BEND2: variants seen among roughly 807,000 people sequenced by gnomAD.
The protein encoded by BEND2 is BEN domain-containing protein 2.
Under a neutral mutation model 43.8 loss-of-function variants are expected in BEND2, and 19 were observed. That is an observed-to-expected ratio of 0.43 (90% confidence interval 0.30 to 0.64). BEND2 has a LOEUF of 0.64. BEND2 is among the 30% of genes least tolerant of loss of function. The probability of loss-of-function intolerance (pLI) is 0.11; values close to 1 mark genes in which losing one functional copy is unlikely to be tolerated. For missense variants in BEND2, 544 were observed against 574.0 expected, an observed-to-expected ratio of 0.95 and a Z score of 0.53; for synonymous variants, 226 against 210.1, an observed-to-expected ratio of 1.08 and a Z score of -0.66.
At chrX:18,168,186 A>G (rs922425879) in intron 13 of BEND2, among the ~76,000 whole-genome samples, 3 of 112,031 alleles carry the variant, frequency 2.7e-5, no homozygotes, top group African/African-American at 9.7e-5. Flanking sequence ...TGCTATTTTT[A>G]TCTTCACCTG....
At chrX:18,190,635 A>AAG (rs761482020) in intron 8 of BEND2, among the ~76,000 whole-genome samples, 82 of 110,986 alleles carry the variant, frequency 7.4e-4, no homozygotes, top group African/African-American at 2.6e-3. Context: ...AAAAGTCAGT[A>AAG]AGAGAGTTCC....
rs1329614920 is a variant in BEND2 at position 18,203,541 on chromosome X, T to G, written c.867A>C (p.Pro289=). ...SALPENENVG[P]GRALSSFCFH... ...AGCAGAAAGATGACAAGGCTCTACCTGGGCCCACATTTTCATTTTCTGGTA... is the reference window on the plus strand; with the variant it reads ...AGCAGAAAGATGACAAGGCTCTACCGGGGCCCACATTTTCATTTTCTGGTA... Residue 289 remains proline (P), a synonymous_variant, in exon 5 of 14, where the codon CCA becomes CCC. Transcript: ENST00000380033. 8.3e-7 allele frequency: 1 copy of G among 1,209,698 alleles called. No individual in the cohort carries two copies. Among genetic ancestry groups the G allele is most frequent in the African/African-American group, 1.7e-5 (1 of 57,320 alleles).
At chrX:18,185,767 G>A (rs1036436032) in intron 8 of BEND2, among the ~76,000 whole-genome samples, 4 of 109,917 alleles carry the variant, frequency 3.6e-5, no homozygotes, top group Non-Finnish European at 5.7e-5. Flanking sequence ...CCAATACGAC[G>A]GGCAGCAGAC....
intron 4 of BEND2, among the ~76,000 whole-genome samples, chrX:18,210,270 G>A (rs1925464138): frequency 9.0e-6 from 1 of 111,477 alleles, no homozygotes; most frequent in African/African-American, 3.2e-5. Flanking sequence ...ATTATATAAA[G>A]ATTCAAAGTC....
intron 1 of BEND2, among the ~76,000 whole-genome samples, chrX:18,219,455 G>T (rs756425364): frequency 3.5e-5 from 4 of 112,833 alleles, no homozygotes; most frequent in Non-Finnish European, 5.6e-5. Flanking sequence ...CACCCTACGT[G>T]TTTCTCTTCC....
chrX:18,163,583 A>C lies in BEND2; in HGVS notation c.*1426T>G, dbSNP rs992870193. On this transcript the variant is annotated 3_prime_UTR_variant, in exon 14 of 14. Coordinates refer to ENST00000380033, the MANE Select transcript of BEND2 (RefSeq NM_153346.5). Reference sequence around the variant, plus strand: ...TCTAAATAACTTCTAAAAACCACTAATGTAATAAAGTTAGCAATAGAAGTC... The same window carrying C: ...TCTAAATAACTTCTAAAAACCACTACTGTAATAAAGTTAGCAATAGAAGTC... 7.1e-5 allele frequency: 8 copies of C among 112,151 alleles called. No homozygotes were observed. The highest frequency in any genetic ancestry group is 2.3e-4 in the African/African-American group (7 of 30,886). 9.2% of individuals were successfully genotyped at this position (112,151 alleles called of 1,213,427 possible).
chrX:18,184,073 G>A (rs1354270160), intron 8 of BEND2, among the ~76,000 whole-genome samples: 15 of 111,682 alleles, frequency 1.3e-4, no homozygotes, highest in African/African-American at 4.9e-4. Flanking sequence ...GGCTCTGCTG[G>A]CTTCAGGTCT....
At chrX:18,182,525 A>G (rs754527784) in intron 8 of BEND2, among the ~76,000 whole-genome samples, 1 of 112,001 alleles carries the variant, frequency 8.9e-6, no homozygotes, top group Non-Finnish European at 1.9e-5. Context: ...GATAAAATAA[A>G]CAGACTTCAG....
chrX:18,193,024 A>C (rs1005384558), intron 7 of BEND2, among the ~76,000 whole-genome samples: 2 of 111,509 alleles, frequency 1.8e-5, no homozygotes, highest in Admixed American at 1.9e-4. Flanking sequence ...AACAAAAAAC[A>C]AAACAGCCAA....
At chrX:18,217,698 C>A (rs780646386) in intron 1 of BEND2, among the ~76,000 whole-genome samples, 25 of 111,150 alleles carry the variant, frequency 2.2e-4, no homozygotes, top group Non-Finnish European at 4.3e-4. Context: ...TAGAAACCAC[C>A]TAATTATCTA....
intron 10 of BEND2, 57 bp from the exon 11 acceptor site, chrX:18,176,150 A>G (rs1924143838): frequency 1.8e-6 from 2 of 1,116,451 alleles, no homozygotes; most frequent in Admixed American, 5.4e-5. Flanking sequence ...CAAACTAATG[A>G]AAAATTTTTT....
chrX:18,188,576 G>A (rs1385108922), intron 8 of BEND2, among the ~76,000 whole-genome samples: 2 of 111,310 alleles, frequency 1.8e-5, no homozygotes, highest in Admixed American at 1.9e-4. Flanking sequence ...AGTTTGAACC[G>A]TGAAGGAATC....
chrX:18,216,489 AT>A lies in BEND2; in HGVS notation c.238+31del, dbSNP rs1305309710. 9 of 1,142,652 alleles carry A rather than the reference AT, an allele frequency of 7.9e-6. No homozygotes were observed. In the East Asian group the frequency reaches 2.7e-4, roughly 34 times the overall value. 94.2% of individuals were successfully genotyped at this position (1,142,652 alleles called of 1,213,427 possible). On this transcript the variant is annotated intron_variant, in intron 2 of 13. Coordinates refer to ENST00000380033, the MANE Select transcript of BEND2 (RefSeq NM_153346.5). Reference sequence around the variant, plus strand: ...CTGGAAATGGGGACCAGAGAGTAAAATTTTGCCAAGGATGAAATTTAACAAA... The same window carrying A: ...CTGGAAATGGGGACCAGAGAGTAAAATTTGCCAAGGATGAAATTTAACAAA...
In BEND2 at chrX:18,220,767, C is replaced by A; in HGVS notation, c.-17G>T. 1 of 1,206,786 alleles carries A rather than the reference C, an allele frequency of 8.3e-7. No individual in the cohort carries two copies. The highest frequency in any genetic ancestry group is 1.1e-6 in the Non-Finnish European group (1 of 892,643). On this transcript the variant is annotated 5_prime_UTR_variant, in exon 1 of 14. Transcript: ENST00000380033. ...CTCTGACATCGTGAGATGGCGGGGT[C>A]TGGCTCTGAGGCCCGAGACCTGAGG... is the stretch of plus-strand genomic sequence containing the variant.
At chrX:18,199,204 A>C (rs1288943128) in intron 6 of BEND2, among the ~76,000 whole-genome samples, 2 of 110,907 alleles carry the variant, frequency 1.8e-5, no homozygotes, top group African/African-American at 6.6e-5. Flanking sequence ...AAGTATAATA[A>C]TAATAAATAA....
At chrX:18,175,723 C>G (rs1285630930) in intron 11 of BEND2, among the ~76,000 whole-genome samples, 1 of 112,181 alleles carries the variant, frequency 8.9e-6, no homozygotes, top group Non-Finnish European at 1.9e-5. Context: ...CTAGTATTAT[C>G]CTTGGCTTCA....
chrX:18,219,086 A>AC (rs1304776655), intron 1 of BEND2, among the ~76,000 whole-genome samples: 1 of 111,335 alleles, frequency 9.0e-6, no homozygotes, highest in Non-Finnish European at 1.9e-5. Flanking sequence ...CCACTTTCTA[A>AC]ACCTTCCTGC....
At chrX:18,220,121 C>T (rs7065624) in intron 1 of BEND2, among the ~76,000 whole-genome samples, 2 of 109,954 alleles carry the variant, frequency 1.8e-5, no homozygotes, top group Non-Finnish European at 1.9e-5. Flanking sequence ...CACGCGGGCA[C>T]CCCGGGAGAG....
At chrX:18,215,386 A>G (rs748459864) in intron 2 of BEND2, among the ~76,000 whole-genome samples, 7 of 112,267 alleles carry the variant, frequency 6.2e-5, no homozygotes, top group African/African-American at 1.9e-4. Flanking sequence ...AGCCCTGCAT[A>G]TAGTTTTAAA....
Sources: allele counts gnomAD v4.1 joint callset (sites outside exome capture counted in the v4.1 genomes callset), GRCh38; gene constraint gnomAD v4.1.1; transcripts MANE v1.5; gene names NCBI Gene and HGNC (gene_info 2026-07-23, HGNC 2026-07-21).